Variants in CCSER1 observed in about 807,000 individuals in gnomAD.
CCSER1 encodes the protein serine-rich coiled-coil domain-containing protein 1.
In CCSER1, 41 loss-of-function variants were observed where a neutral mutation model predicts 82.0. The ratio of observed to expected loss-of-function variants is 0.50; its 90% CI spans 0.39 to 0.65. CCSER1 has a LOEUF of 0.65. CCSER1 is among the 30% of genes least tolerant of loss of function. The pLI, the probability that CCSER1 is intolerant of heterozygous loss-of-function variation, is 0.00. For missense variants in CCSER1, 1,119 were observed against 1,064.2 expected, an observed-to-expected ratio of 1.05 and a Z score of -0.72; for synonymous variants, 414 against 383.9, an observed-to-expected ratio of 1.08 and a Z score of -0.92.
At position 91,027,218 on chromosome 4, in the gene CCSER1, A is replaced by C. The variant is rs553546534; in HGVS notation, c.2173-58732A>C. On this transcript the variant is annotated intron_variant, in intron 9 of 10. Coordinates refer to ENST00000509176, the MANE Select transcript of CCSER1 (RefSeq NM_001145065.2). ...TGTCCCATAGAAGATAGTTATACTG[A>C]AAATATCCATTGGTTGTCTACAATT... is the stretch of plus-strand genomic sequence containing the variant. 5.3e-5 allele frequency among the ~76,000 whole-genome samples: 8 copies of C among 152,166 alleles called. No homozygotes were observed. The East Asian group carries it at 1.4e-3, about 26-fold the overall frequency.
intron 10 of CCSER1, chr4:91,129,870 TGA>T (rs2148906430): frequency 6.6e-6 from 1 of 152,140 alleles, no homozygotes; most frequent in East Asian, 1.9e-4. Flanking sequence ...GGCCCTGTAT[TGA>T]TTAGGAATTT....
Position 91,369,670 on chromosome 4 carries a change from T to A in CCSER1, c.2218-228902T>A, listed in dbSNP as rs1189684632. On this transcript the variant is annotated intron_variant, in intron 10 of 10. Transcript: ENST00000509176. ...CCAAATTAATCTGTAGCTTTTTTTTTTTTTTTTTTTTTTTTTTTTGACAGT... is the reference window on the plus strand; with the variant it reads ...CCAAATTAATCTGTAGCTTTTTTTTATTTTTTTTTTTTTTTTTTTGACAGT... Among the ~76,000 whole-genome samples the A allele has an allele frequency of 3.0e-4, 37 of 125,194 alleles. No individual in the cohort carries two copies. In the Admixed American group the frequency reaches 3.0e-3, roughly 10 times the overall value. The allele number at this position is 125,194 out of a possible 152,430, so 82.1% of individuals were successfully genotyped here. A position where few individuals can be genotyped will look rare whatever the true frequency, so the allele number is the denominator to read the frequency against.
intron 10 of CCSER1, among the ~76,000 whole-genome samples, chr4:91,247,317 G>A (rs1255294366): frequency 6.3e-5 from 9 of 143,766 alleles, no homozygotes; most frequent in Non-Finnish European, 1.2e-4. Flanking sequence ...AAAAAAAAAA[G>A]CCTGGAATTA....
At chr4:91,266,209 A>G (rs1459793779) in intron 10 of CCSER1, among the ~76,000 whole-genome samples, 2 of 151,966 alleles carry the variant, frequency 1.3e-5, no homozygotes, top group Admixed American at 6.6e-5. Flanking sequence ...TTAAGCCCTA[A>G]GACCACTTTA....
intron 6 of CCSER1, among the ~76,000 whole-genome samples, chr4:90,652,804 C>T (rs867431468): frequency 6.7e-6 from 1 of 148,482 alleles, no homozygotes; most frequent in Non-Finnish European, 1.5e-5. Context: ...CAACAGAATT[C>T]CTCTTCCCCT....
chr4:90,320,414 C>T (rs1197569497), intron 3 of CCSER1, among the ~76,000 whole-genome samples: 1 of 152,104 alleles, frequency 6.6e-6, no homozygotes, highest in African/African-American at 2.4e-5. Flanking sequence ...GACACTAAAT[C>T]CTTGATCAGG....
intron 7 of CCSER1, chr4:90,781,260 G>T: frequency 1.0e-6 from 1 of 984,534 alleles, no homozygotes; most frequent in Non-Finnish European, 1.2e-6. Context: ...GAAAGAGTAT[G>T]CACCATAACA....
chr4:90,932,986 A>AAGAGAGAGAGAGAGAGAGAGAG (rs1207260853), intron 9 of CCSER1, among the ~76,000 whole-genome samples: 1 of 29,164 alleles, frequency 3.4e-5, no homozygotes. Flanking sequence ...AAGAAAGAGA[A>AAGAGAGAGAGAGAGAGAGAGAG]AGAAAGAAAG....
chr4:90,513,242 C>T (rs1449873181), intron 5 of CCSER1, among the ~76,000 whole-genome samples: 1 of 152,004 alleles, frequency 6.6e-6, no homozygotes, highest in Non-Finnish European at 1.5e-5. Flanking sequence ...GATGGTTAGG[C>T]CAAAGAAATT....
chr4:90,620,649 C>T (rs529831965), intron 5 of CCSER1, among the ~76,000 whole-genome samples: 1 of 152,222 alleles, frequency 6.6e-6, no homozygotes, highest in African/African-American at 2.4e-5. Flanking sequence ...GCCATTATCC[C>T]AGTTAGAATG....
intron 10 of CCSER1, among the ~76,000 whole-genome samples, chr4:91,471,022 C>T (rs113214980): frequency 0.01 from 1,559 of 152,082 alleles, 11 homozygotes; most frequent in Middle Eastern, 0.02. Flanking sequence ...ATTGAAAGTC[C>T]GACTGTTAAA....
At chr4:90,343,978 A>G (rs1175985062) in intron 3 of CCSER1, among the ~76,000 whole-genome samples, 1 of 152,018 alleles carries the variant, frequency 6.6e-6, no homozygotes, top group Non-Finnish European at 1.5e-5. Flanking sequence ...ACTAGGTCTT[A>G]TTCATTCTTA....
chr4:90,852,953 G>C (rs180730811), intron 8 of CCSER1, among the ~76,000 whole-genome samples: 18 of 152,310 alleles, frequency 1.2e-4, no homozygotes, highest in African/African-American at 4.3e-4. Flanking sequence ...TGATTTGAGA[G>C]AGACCCTAAG....
intron 3 of CCSER1, chr4:90,325,814 A>G (rs1738074529): frequency 4.1e-6 from 1 of 242,766 alleles, no homozygotes; most frequent in Admixed American, 4.3e-5. Flanking sequence ...TAAATAAGTC[A>G]AAGAAATTCT....
intron 7 of CCSER1, among the ~76,000 whole-genome samples, chr4:90,796,340 CT>C (rs745734641): frequency 2.5e-4 from 35 of 137,982 alleles, no homozygotes; most frequent in Non-Finnish European, 5.2e-4. Context: ...GTAATACCTT[CT>C]TTGTTGTTTC....
chr4:90,876,036 G>A (rs1057113367), intron 8 of CCSER1, among the ~76,000 whole-genome samples: 2 of 152,186 alleles, frequency 1.3e-5, no homozygotes, highest in African/African-American at 2.4e-5. Context: ...TTTCATTGTG[G>A]TAGCCTTGCC....
chr4:90,331,129 G>C (rs1044263848), intron 3 of CCSER1, among the ~76,000 whole-genome samples: 1 of 151,464 alleles, frequency 6.6e-6, no homozygotes, highest in African/African-American at 2.4e-5. Flanking sequence ...AAATTATTCT[G>C]GTTCAATAAG....
intron 10 of CCSER1, among the ~76,000 whole-genome samples, chr4:91,402,400 T>G (rs1287090457): frequency 2.0e-5 from 3 of 152,230 alleles, no homozygotes; most frequent in Non-Finnish European, 2.9e-5. Flanking sequence ...TTAGTTTAAT[T>G]AGATCCCATT....
At chr4:91,190,377 C>T (rs1017639303) in intron 10 of CCSER1, among the ~76,000 whole-genome samples, 3 of 152,048 alleles carry the variant, frequency 2.0e-5, no homozygotes, top group Non-Finnish European at 4.4e-5. Context: ...ACCAAAGTGG[C>T]TTTTCCTCTT....
Sources: gnomAD v4.1 joint callset for allele counts (sites outside exome capture counted in the v4.1 genomes callset) on GRCh38, gnomAD v4.1.1 for gene constraint, MANE v1.5 for transcripts, NCBI Gene and HGNC (gene_info 2026-07-23, HGNC 2026-07-21) for gene names.